CADM2: variants seen among roughly 807,000 people sequenced by gnomAD.
CADM2 encodes immunoglobulin superfamily member 4D.
CADM2 carries 12 observed loss-of-function variants against 49.8 expected under a neutral mutation model. The observed-to-expected ratio is 0.24, with a 90% CI of 0.15 to 0.39. The LOEUF (loss-of-function observed/expected upper bound fraction) is 0.39, where lower values mean the gene tolerates loss of function less well. CADM2 is among the 10% of genes least tolerant of loss of function. The probability of loss-of-function intolerance (pLI) is 1.00; values close to 1 mark genes in which losing one functional copy is unlikely to be tolerated. For missense variants in CADM2, 378 were observed against 492.3 expected, an observed-to-expected ratio of 0.77 and a Z score of 2.20; for synonymous variants, 214 against 175.4, an observed-to-expected ratio of 1.22 and a Z score of -1.74.
At chr3:85,486,175 A>G (rs375894704) in intron 1 of CADM2, among the ~76,000 whole-genome samples, 1 of 152,286 alleles carries the variant, frequency 6.6e-6, no homozygotes. Context: ...TGCTATCTTC[A>G]GAAAATAATT....
At chr3:85,094,621 T>G (rs2037725322) in intron 1 of CADM2, among the ~76,000 whole-genome samples, 1 of 152,156 alleles carries the variant, frequency 6.6e-6, no homozygotes, top group African/African-American at 2.4e-5. Flanking sequence ...CAATATAAAC[T>G]GGAAAAATAT....
intron 6 of CADM2, among the ~76,000 whole-genome samples, chr3:85,926,706 C>A (rs1452758702): frequency 6.6e-6 from 1 of 151,902 alleles, no homozygotes; most frequent in African/African-American, 2.4e-5. Context: ...TAAGAAGAAC[C>A]TGTTTTTATA....
chr3:85,382,180 G>A (rs1419804463), intron 1 of CADM2, among the ~76,000 whole-genome samples: 1 of 151,774 alleles, frequency 6.6e-6, no homozygotes, highest in East Asian at 1.9e-4. Context: ...AATAAGAAAA[G>A]CAAAAAAACA....
At chr3:85,051,301 T>A (rs1217384711) in intron 1 of CADM2, among the ~76,000 whole-genome samples, 1 of 151,948 alleles carries the variant, frequency 6.6e-6, no homozygotes. Context: ...TTCAACTGTA[T>A]CTATTAGAAC....
At chr3:85,068,480 A>G (rs937562699) in intron 1 of CADM2, among the ~76,000 whole-genome samples, 4 of 152,148 alleles carry the variant, frequency 2.6e-5, no homozygotes, top group Non-Finnish European at 5.9e-5. Flanking sequence ...TTAAACTGGA[A>G]AAAACAAAGT....
At chr3:85,823,329 A>G (rs2108195300) in intron 3 of CADM2, among the ~76,000 whole-genome samples, 1 of 152,296 alleles carries the variant, frequency 6.6e-6, no homozygotes, top group Non-Finnish European at 1.5e-5. Context: ...ATTGTGCACT[A>G]AGGTTTTCTT....
At position 85,824,665 on chromosome 3, in the gene CADM2, TAAAATTGCCCC is replaced by T. The variant is rs1577405347; in HGVS notation, c.238+22470_238+22480del. 6.6e-5 allele frequency among the ~76,000 whole-genome samples: 10 copies of T among 152,132 alleles called. No individual in the cohort carries two copies. In the East Asian group the frequency reaches 1.9e-3, roughly 29 times the overall value. On this transcript the variant is annotated intron_variant, in intron 3 of 9. Transcript: ENST00000383699. ...AATGTTTAAATTGTTCAAAAGTCCC[TAAAATTGCCCC>T]CAAGCATGAGAAGTACATCCCATAT...
chr3:84,997,880 G>A (rs959494909), intron 1 of CADM2, among the ~76,000 whole-genome samples: 1 of 152,060 alleles, frequency 6.6e-6, no homozygotes, highest in Non-Finnish European at 1.5e-5. Context: ...GAAAGCTATT[G>A]CTGTTGAGGG....
intron 1 of CADM2, among the ~76,000 whole-genome samples, chr3:85,407,300 G>A: frequency 6.6e-6 from 1 of 152,258 alleles, no homozygotes; most frequent in African/African-American, 2.4e-5. Context: ...TGTCCCCTGA[G>A]CTCTGTAAAA....
Position 85,173,921 on chromosome 3 carries a change from A to G in CADM2, c.61+214253A>G, listed in dbSNP as rs115022959. 4.7e-3 allele frequency among the ~76,000 whole-genome samples: 708 copies of G among 152,232 alleles called. 4 individuals carry two copies. Among genetic ancestry groups the G allele is most frequent in the Non-Finnish European group, 7.7e-3 (524 of 67,996 alleles). Reference sequence around the variant, plus strand: ...TACAAGCTTTGTCTTTTTATATTCCACACAATATTTAGGAGAGCTCTTAGA... The same window carrying G: ...TACAAGCTTTGTCTTTTTATATTCCGCACAATATTTAGGAGAGCTCTTAGA... On this transcript the variant is annotated intron_variant, in intron 1 of 9. Coordinates refer to ENST00000383699, the MANE Select transcript of CADM2 (RefSeq NM_001167675.2).
At chr3:85,855,621 CATATATATATAT>C (rs142144366) in intron 3 of CADM2, among the ~76,000 whole-genome samples, 1 of 54,010 alleles carries the variant, frequency 1.9e-5, no homozygotes, top group African/African-American at 4.6e-5. Context: ...ATATATAAAA[CATATATATATAT>C]ATATATATTT....
intron 8 of CADM2, among the ~76,000 whole-genome samples, chr3:86,039,653 G>A (rs941601072): frequency 1.3e-5 from 2 of 152,080 alleles, no homozygotes; most frequent in Admixed American, 6.6e-5. Context: ...ATCCACCTCT[G>A]GGGGGAGGGC....
chr3:85,093,658 G>A (rs754158496), intron 1 of CADM2, among the ~76,000 whole-genome samples: 29 of 151,794 alleles, frequency 1.9e-4, no homozygotes, highest in African/African-American at 6.5e-4. Context: ...TAATATTTCC[G>A]AGCACTAGCC....
chr3:85,822,826 G>A (rs963810873), intron 3 of CADM2, among the ~76,000 whole-genome samples: 1 of 152,114 alleles, frequency 6.6e-6, no homozygotes, highest in Non-Finnish European at 1.5e-5. Flanking sequence ...AATGGTCTAT[G>A]ATAACTTTTC....
intron 1 of CADM2, among the ~76,000 whole-genome samples, chr3:85,643,294 T>C (rs555724180): frequency 6.6e-6 from 1 of 152,330 alleles, no homozygotes; most frequent in South Asian, 2.1e-4. Flanking sequence ...GCATGTATTA[T>C]TCAACTTGTT....
chr3:85,611,567 C>A (rs181526578), intron 1 of CADM2, among the ~76,000 whole-genome samples: 3 of 151,624 alleles, frequency 2.0e-5, no homozygotes, highest in Non-Finnish European at 4.4e-5. Flanking sequence ...AAACATATAG[C>A]AATAATTTAA....
intron 3 of CADM2, among the ~76,000 whole-genome samples, chr3:85,818,548 A>T (rs2073359442): frequency 6.6e-6 from 1 of 152,200 alleles, no homozygotes; most frequent in Non-Finnish European, 1.5e-5. Flanking sequence ...ATACTCTCTC[A>T]GTAGTTCAAA....
At chr3:85,482,616 G>C (rs2039259768) in intron 1 of CADM2, among the ~76,000 whole-genome samples, 1 of 151,562 alleles carries the variant, frequency 6.6e-6, no homozygotes, top group South Asian at 2.1e-4. Flanking sequence ...GTGGTGTTTA[G>C]TTTGATATTT....
At chr3:86,001,347 G>A (rs1310915379) in intron 8 of CADM2, among the ~76,000 whole-genome samples, 1 of 152,060 alleles carries the variant, frequency 6.6e-6, no homozygotes, top group Non-Finnish European at 1.5e-5. Flanking sequence ...GGCAAGCTTG[G>A]GTTCATGCCA....
Sources: gnomAD v4.1 joint callset for allele counts (sites outside exome capture counted in the v4.1 genomes callset) on GRCh38, gnomAD v4.1.1 for gene constraint, MANE v1.5 for transcripts, NCBI Gene and HGNC (gene_info 2026-07-23, HGNC 2026-07-21) for gene names.